The following DYNC2H1 variants were observed in gnomAD, a reference collection of about 807,000 sequenced individuals.
DYNC2H1 encodes cytoplasmic dynein 2 heavy chain 1.
DYNC2H1 carries 410 observed loss-of-function variants against 570.0 expected under a neutral mutation model. The ratio of observed to expected loss-of-function variants is 0.72; its 90% CI spans 0.66 to 0.78. The LOEUF (loss-of-function observed/expected upper bound fraction) is 0.78, where lower values mean the gene tolerates loss of function less well. Ranked by LOEUF, DYNC2H1 falls within the 30% of genes least tolerant of loss-of-function variation. The probability of loss-of-function intolerance (pLI) is 0.00; values close to 1 mark genes in which losing one functional copy is unlikely to be tolerated. For synonymous variants in DYNC2H1, 1,688 were observed against 1,677.6 expected (o/e 1.01, Z -0.15); for missense variants, 4,865 against 5,046.4 (o/e 0.96, Z 1.09).
Position 103,128,991 on chromosome 11 carries a change from G to T in DYNC2H1, c.1939G>T (p.Glu647Ter). The change falls in exon 13 of 89, where the codon GAA becomes TAA. Residue 647 changes from glutamate (E) to a stop codon, truncating the protein, a stop_gained. Transcript: ENST00000375735. LOFTEE classifies it high-confidence loss of function. ...GATGTTACAATCTGCCTTAGCATTT[G>T]AACAGATAATTAAGGTAAATGGGCT... ...PMMLQSALAF[E>*]QIIKNSKAGS... 3 of 1,602,962 alleles carry T rather than the reference G, an allele frequency of 1.9e-6. No individual in the cohort carries two copies. The highest frequency in any genetic ancestry group is 2.6e-6 in the Non-Finnish European group (3 of 1,175,458).
At chr11:103,444,810 A>T (rs1243089278) in intron 85 of DYNC2H1, among the ~76,000 whole-genome samples, 1 of 152,202 alleles carries the variant, frequency 6.6e-6, no homozygotes, top group South Asian at 2.1e-4. Flanking sequence ...CTGAGACAGG[A>T]ATGTGCTTTG....
chr11:103,396,096 T>C (rs556283633), intron 83 of DYNC2H1, among the ~76,000 whole-genome samples: 1 of 152,254 alleles, frequency 6.6e-6, no homozygotes, highest in South Asian at 2.1e-4. Flanking sequence ...CTGGAAAAAA[T>C]ACCTTTGTCC....
At chr11:103,287,508 A>T in intron 74 of DYNC2H1, 25 bp from the exon 75 acceptor site, 1 of 1,580,648 alleles carries the variant, frequency 6.3e-7, no homozygotes, top group South Asian at 1.2e-5. Context: ...TTATTCTTTA[A>T]AAATATTCTG....
At chr11:103,121,292 C>T in intron 9 of DYNC2H1, 80 bp from the exon 10 acceptor site, 1 of 1,448,578 alleles carries the variant, frequency 6.9e-7, no homozygotes, top group South Asian at 1.4e-5. Context: ...CAGCATCTGA[C>T]ATAGTGCTTG....
chr11:103,200,599 A>G (rs1230996535), intron 50 of DYNC2H1, among the ~76,000 whole-genome samples: 1 of 152,184 alleles, frequency 6.6e-6, no homozygotes, highest in African/African-American at 2.4e-5. Flanking sequence ...GAACCTTCCT[A>G]TCAGTAGTGG....
chr11:103,470,116 G>T (rs188030272), intron 88 of DYNC2H1, among the ~76,000 whole-genome samples: 8 of 152,210 alleles, frequency 5.3e-5, no homozygotes, highest in African/African-American at 1.4e-4. Context: ...AGGAGACAAT[G>T]ACCTGGAGCC....
In DYNC2H1 at chr11:103,309,168, ATTTTT is replaced by A. The variant is rs386374721; in HGVS notation, c.11493+1357_11493+1361del. ...TTATTAGTGTTTGTAACTGCATGCT[ATTTTT>A]TTTTTTTTTTTTTTTTTTTGAGATG... On this transcript the variant is annotated intron_variant, in intron 78 of 88. Coordinates refer to ENST00000375735, the MANE Select transcript of DYNC2H1 (RefSeq NM_001377.3). Among the ~76,000 whole-genome samples the A allele has an allele frequency of 6.0e-3, 326 of 54,658 alleles. 5 individuals are homozygous for A. Among genetic ancestry groups the A allele is most frequent in the African/African-American group, 0.02 (314 of 15,558 alleles). 35.9% of individuals were successfully genotyped at this position (54,658 alleles called of 152,430 possible).
chr11:103,109,580 G>T lies in DYNC2H1; in HGVS notation c.6G>T (p.Ala2=). The T allele has an allele frequency of 6.2e-7, 1 of 1,612,870 alleles. No individual in the cohort carries two copies. The highest frequency in any genetic ancestry group is 8.5e-7 in the Non-Finnish European group (1 of 1,179,284). Residue 2 remains alanine (A), a synonymous_variant, in exon 1 of 89, where the codon GCG becomes GCT. Coordinates refer to ENST00000375735, the MANE Select transcript of DYNC2H1 (RefSeq NM_001377.3). The part of the protein sequence containing the change: M[A]NGTADVRKLF... ...TCCCTCCACCCCTTCCAATCATGGC[G>T]AACGGGACTGCGGACGTTCGGAAGC...
intron 29 of DYNC2H1, 131 bp from the exon 30 acceptor site, chr11:103,162,897 G>C (rs1861155355): frequency 1.5e-6 from 1 of 651,310 alleles, no homozygotes; most frequent in East Asian, 3.3e-5. Flanking sequence ...TGATCAATAG[G>C]AAAGTATAAT....
chr11:103,404,344 G>A (rs1942774080), intron 84 of DYNC2H1: 1 of 151,226 alleles, frequency 6.6e-6, no homozygotes, highest in South Asian at 2.1e-4. Flanking sequence ...TCGAATGTGT[G>A]GTAAGGTGGT....
At chr11:103,210,726 A>C (rs998387452) in intron 53 of DYNC2H1, among the ~76,000 whole-genome samples, 2 of 152,030 alleles carry the variant, frequency 1.3e-5, no homozygotes, top group Non-Finnish European at 2.9e-5. Flanking sequence ...GTAACATGGG[A>C]AAGGTTTGGA....
rs1865427498 is a variant in DYNC2H1, at chr11:103,264,339, T to C, written c.10695+4362T>C. Among the ~76,000 whole-genome samples, 1 of 152,176 alleles carries C rather than the reference T, an allele frequency of 6.6e-6. No individual in the cohort carries two copies. Among genetic ancestry groups the C allele is most frequent in the South Asian group, 2.1e-4 (1 of 4,832 alleles). On this transcript the variant is annotated intron_variant, in intron 70 of 88. Coordinates refer to ENST00000375735, the MANE Select transcript of DYNC2H1 (RefSeq NM_001377.3). This position sits in a 1 kb window ranked among gnomAD's most constrained non-coding sequence, Gnocchi z 4.8. ...CATGCAATAGAAAAAGAGGGACCCC[T>C]ACCTAACTCATTTTATGAGACCAGG...
chr11:103,478,749 T>G (rs1356312777), intron 88 of DYNC2H1, among the ~76,000 whole-genome samples: 2 of 152,182 alleles, frequency 1.3e-5, no homozygotes, highest in East Asian at 3.8e-4. Context: ...GGAGATGAGA[T>G]AATGGATGTG....
At position 103,170,096 on chromosome 11, in the gene DYNC2H1, G is replaced by T. The variant is rs1416444641; in HGVS notation, c.4969-12G>T. The T allele has an allele frequency of 6.3e-7, 1 of 1,596,682 alleles. No homozygotes were observed. Among genetic ancestry groups the T allele is most frequent in the Non-Finnish European group, 8.5e-7 (1 of 1,172,070 alleles). ...AACATGAATACTCTGACTTTGTGTT[G>T]TTCTTGTATAGGGTAATGCTTCCAA... On this transcript the variant is annotated splice_polypyrimidine_tract_variant and intron_variant, in intron 32 of 88. Transcript: ENST00000375735. This position sits in a 1 kb window ranked among gnomAD's most constrained non-coding sequence, Gnocchi z 4.8.
rs1296081009 is a variant in DYNC2H1 at position 103,154,521 on chromosome 11, G to C, written c.3373G>C (p.Glu1125Gln). 2 of 1,580,754 alleles carry C rather than the reference G, an allele frequency of 1.3e-6. No individual in the cohort carries two copies. The highest frequency in any genetic ancestry group is 2.7e-5 in the African/African-American group (2 of 74,368). Residue 1125 changes from glutamate to glutamine, a missense_variant, in exon 23 of 89, where the codon GAG becomes CAG. Around this residue, in one of 5 missense-constraint regions of DYNC2H1, gnomAD observed 1,936 missense variants for 1,962.1 expected, o/e 0.99. Transcript: ENST00000375735. ...GGCAAGTAGTATCTCTAAAGATATC[G>C]AGAGCTGTGCCCAAATTTGGGCCTT... ...SLASSISKDI[E>Q]SCAQIWAFYE...
intron 84 of DYNC2H1, among the ~76,000 whole-genome samples, chr11:103,411,997 C>T (rs12791999): frequency 6.6e-6 from 1 of 151,916 alleles, no homozygotes; most frequent in African/African-American, 2.4e-5. Context: ...TCTTAGAAAT[C>T]GTTTAGGCTG....
intron 59 of DYNC2H1, among the ~76,000 whole-genome samples, chr11:103,224,858 T>C (rs951167732): frequency 6.6e-6 from 1 of 152,234 alleles, no homozygotes; most frequent in Non-Finnish European, 1.5e-5. Context: ...CTGGTTTACA[T>C]TCCTACCAAA....
Position 103,304,639 on chromosome 11 carries a change from A to T in DYNC2H1, c.11301A>T (p.Leu3767=), listed in dbSNP as rs778574130. The change falls in exon 77 of 89, where the codon CTA becomes CTT. Residue 3767 remains leucine (L), a synonymous_variant. Transcript: ENST00000375735. ...QGQADLAIQM[L]KECARNGDWL... ...AAGCTGATTTAGCAATTCAAATGCT[A>T]AAAGAATGTGCCCGCAATGGAGACT... The T allele has an allele frequency of 1.9e-6, 3 of 1,613,466 alleles. No individual in the cohort carries two copies. The East Asian group carries it at 6.7e-5, about 36-fold the overall frequency.
At position 103,323,981 on chromosome 11, in the gene DYNC2H1, C is replaced by T; in HGVS notation, c.12030C>T (p.Ile4010=). ...ANIARSSQRM[I]SSQVISQLRI... is the part of the protein sequence containing the mutation. Reference sequence around the variant, plus strand: ...TCGCTCGCTCATCTCAGCGCATGATCAGTTCTCAGGTAACCTAAAAAAAAG... The same window carrying T: ...TCGCTCGCTCATCTCAGCGCATGATTAGTTCTCAGGTAACCTAAAAAAAAG... Residue 4010 remains isoleucine, a synonymous_variant, in exon 82 of 89, where the codon ATC becomes ATT. Coordinates refer to ENST00000375735, the MANE Select transcript of DYNC2H1 (RefSeq NM_001377.3). 6.2e-7 allele frequency: 1 copy of T among 1,609,870 alleles called. No individual in the cohort carries two copies.
Sources: gnomAD v4.1 joint callset for allele counts (sites outside exome capture counted in the v4.1 genomes callset) on GRCh38, gnomAD v4.1.1 for gene constraint, gnomAD v4.1.1 regional missense constraint, Gnocchi (gnomAD v3.1) non-coding constraint, MANE v1.5 for transcripts, NCBI Gene and HGNC (gene_info 2026-07-23, HGNC 2026-07-21) for gene names.